Variants in C5orf58 observed in about 807,000 individuals in gnomAD.
C5orf58 encodes putative uncharacterized protein C5orf58.
Under a neutral mutation model 2.9 loss-of-function variants are expected in C5orf58, and 2 were observed. The ratio of observed to expected loss-of-function variants is 0.69; its 90% CI spans 0.28 to 2.18. The LOEUF (loss-of-function observed/expected upper bound fraction) is 2.18, where lower values mean the gene tolerates loss of function less well. C5orf58 is among the 30% of genes most tolerant of loss of function. The probability of loss-of-function intolerance (pLI) is 0.13; values close to 1 mark genes in which losing one functional copy is unlikely to be tolerated. For synonymous variants in C5orf58, 37 were observed against 33.4 expected (o/e 1.11, Z -0.37); for missense variants, 96 against 91.7 (o/e 1.05, Z -0.19).
chr5:170,242,434 T>A (rs1561959296), intron 3 of C5orf58, among the ~76,000 whole-genome samples: 1 of 129,758 alleles, frequency 7.7e-6, no homozygotes, highest in Non-Finnish European at 1.6e-5. Context: ...GGTAAACTAT[T>A]GATTATTGCC....
Position 170,240,065 on chromosome 5 carries a change from G to A in C5orf58, c.94+4995G>A, listed in dbSNP as rs1441879291. ...CTTGCGATAGTTTACTGAGAATGAT[G>A]ATTTCCAATTTCATCCATGTCCCTA... is the stretch of plus-strand genomic sequence containing the variant. On this transcript the variant is annotated intron_variant, in intron 3 of 3. Coordinates refer to ENST00000593851, the MANE Select transcript of C5orf58 (RefSeq NM_001102609.3). Among the ~76,000 whole-genome samples the A allele has an allele frequency of 3.3e-5, 5 of 150,590 alleles. No homozygotes were observed. The Middle Eastern group carries it at 0.01, about 307-fold the overall frequency.
At chr5:170,241,805 C>T (rs1581042843) in intron 3 of C5orf58, among the ~76,000 whole-genome samples, 4 of 150,156 alleles carry the variant, frequency 2.7e-5, no homozygotes, top group African/African-American at 9.8e-5. Context: ...CCAGAACTTC[C>T]AACACTATGT....
At chr5:170,244,515 T>G (rs1372265482) in intron 3 of C5orf58, among the ~76,000 whole-genome samples, 1 of 151,894 alleles carries the variant, frequency 6.6e-6, no homozygotes, top group Admixed American at 6.6e-5. Context: ...CCTTCTCGCT[T>G]CATTTCATTC....
chr5:170,248,431 T>A (rs1761348338), downstream of C5orf58: 1 of 298,940 alleles, frequency 3.3e-6, no homozygotes, highest in African/African-American at 2.3e-5. Context: ...AATAATCTTT[T>A]AAAAAATGAA....
chr5:170,241,005 T>G (rs1392703949), intron 3 of C5orf58, among the ~76,000 whole-genome samples: 2 of 147,942 alleles, frequency 1.4e-5, no homozygotes, highest in Admixed American at 1.3e-4. Flanking sequence ...GCTAGCCAGT[T>G]TTCCCAGCAC....
chr5:170,246,233 T>C, downstream of C5orf58: 1 of 835,028 alleles, frequency 1.2e-6, no homozygotes, highest in Non-Finnish European at 1.8e-6. Context: ...AAACAAGCAG[T>C]TCATGTTCTT....
chr5:170,236,411 T>C (rs1305506869), intron 3 of C5orf58, among the ~76,000 whole-genome samples: 1 of 152,206 alleles, frequency 6.6e-6, no homozygotes, highest in Non-Finnish European at 1.5e-5. Flanking sequence ...AAGTGCTTTA[T>C]GCTACATATT....
At chr5:170,235,205 C>A in intron 3 of C5orf58, 135 bp downstream of exon 3, 1 of 580,108 alleles carries the variant, frequency 1.7e-6, no homozygotes, top group Admixed American at 3.6e-5. Flanking sequence ...CAAATGTTTT[C>A]AGTGTAAGTG....
intron 3 of C5orf58, among the ~76,000 whole-genome samples, chr5:170,243,537 C>T (rs947608057): frequency 3.4e-4 from 52 of 152,098 alleles, no homozygotes; most frequent in Non-Finnish European, 6.2e-4. Flanking sequence ...ATGTAATGGC[C>T]TTCTTTGTCT....
At chr5:170,252,248 G>T, downstream of C5orf58, 1 of 403,038 alleles carries the variant, frequency 2.5e-6, no homozygotes, top group Non-Finnish European at 4.5e-6. Flanking sequence ...AATGATTCCC[G>T]AGCCTAGGAA....
downstream of C5orf58, chr5:170,248,924 G>T: frequency 8.7e-7 from 1 of 1,144,972 alleles, no homozygotes; most frequent in Non-Finnish European, 1.3e-6. Context: ...TTCAAGTGAT[G>T]AGGATTGTGG....
downstream of C5orf58, chr5:170,252,364 C>T: frequency 1.2e-6 from 1 of 869,492 alleles, no homozygotes. Context: ...AATTGGTACT[C>T]AGGACAGGTC....
intron 3 of C5orf58, among the ~76,000 whole-genome samples, chr5:170,236,021 G>A (rs1760726934): frequency 6.6e-6 from 1 of 151,942 alleles, no homozygotes; most frequent in Admixed American, 6.6e-5. Context: ...TATATAGACA[G>A]TCTCTTTTTA....
At chr5:170,240,244 A>C (rs1356634834) in intron 3 of C5orf58, among the ~76,000 whole-genome samples, 1 of 150,570 alleles carries the variant, frequency 6.6e-6, no homozygotes, top group African/African-American at 2.5e-5. Context: ...ATACGTGTGC[A>C]TGTGTCTTTA....
At chr5:170,241,459 G>A (rs913005661) in intron 3 of C5orf58, among the ~76,000 whole-genome samples, 2 of 150,860 alleles carry the variant, frequency 1.3e-5, no homozygotes, top group Admixed American at 1.3e-4. Flanking sequence ...TCCTTGAGCA[G>A]TGGTTTGTAG....
At chr5:170,244,147 C>T (rs1364155486) in intron 3 of C5orf58, among the ~76,000 whole-genome samples, 146 of 151,080 alleles carry the variant, frequency 9.7e-4, no homozygotes, top group Non-Finnish European at 9.5e-4. Context: ...CCAAGAGATC[C>T]GCTGTTAGTC....
rs556849031 is a variant in C5orf58, at chr5:170,234,199, G to T, written c.-1+1G>T. 1.2e-5 allele frequency: 16 copies of T among 1,366,362 alleles called. No homozygotes were observed. The highest frequency in any genetic ancestry group is 7.4e-5 in the African/African-American group (5 of 67,842). The allele number at this position is 1,366,362 out of a possible 1,614,324, so 84.6% of individuals were successfully genotyped here. A position where few individuals can be genotyped will look rare whatever the true frequency, so the allele number is the denominator to read the frequency against. ...GGTAGAGGCAAGGATTGACTTAAAG[G>T]TTAGTTTGTTTTCATTATTTTGGAC... On this transcript the variant is annotated splice_donor_variant, in intron 2 of 3. Transcript: ENST00000593851. LOFTEE classifies it low-confidence loss of function (5UTR_SPLICE).
chr5:170,233,492 G>A (rs946970834), intron 1 of C5orf58: 1 of 152,826 alleles, frequency 6.5e-6, no homozygotes, highest in African/African-American at 2.4e-5. Flanking sequence ...CCAAGGAGGA[G>A]GCTGGGCTTT....
intron 3 of C5orf58, among the ~76,000 whole-genome samples, chr5:170,235,861 G>A (rs1760720235): frequency 6.6e-6 from 1 of 152,072 alleles, no homozygotes; most frequent in African/African-American, 2.4e-5. Flanking sequence ...TATACAATAA[G>A]GAAAAACAAG....
Sources: allele counts gnomAD v4.1 joint callset (sites outside exome capture counted in the v4.1 genomes callset), GRCh38; gene constraint gnomAD v4.1.1; transcripts MANE v1.5; gene names NCBI Gene and HGNC (gene_info 2026-07-23, HGNC 2026-07-21).